SLC44A5: variants seen among roughly 807,000 people sequenced by gnomAD.
SLC44A5 encodes solute carrier family 44 member 5, also known as choline transporter-like protein 5.
A neutral mutation model predicts 101.8 loss-of-function variants in SLC44A5; 57 were observed. The ratio of observed to expected loss-of-function variants is 0.56; its 90% CI spans 0.45 to 0.70. The LOEUF is 0.70. Among genes scored for constraint, SLC44A5 ranks in the 30% least tolerant of loss-of-function variants. The probability of loss-of-function intolerance (pLI) is 0.00; values close to 1 mark genes in which losing one functional copy is unlikely to be tolerated. For synonymous variants in SLC44A5, 281 were observed against 290.9 expected, an observed-to-expected ratio of 0.97 and a Z score of 0.35; for missense variants, 737 against 853.1, an observed-to-expected ratio of 0.86 and a Z score of 1.70.
At chr1:75,205,489 C>G (rs933713493) in intron 23 of SLC44A5, 1 of 152,136 alleles carries the variant, frequency 6.6e-6, no homozygotes, top group Non-Finnish European at 1.5e-5. Flanking sequence ...ATGCTTTGTT[C>G]TGCCATTCAA....
At chr1:75,568,758 C>T (rs1014460594) in intron 1 of SLC44A5, among the ~76,000 whole-genome samples, 116 of 152,156 alleles carry the variant, frequency 7.6e-4, no homozygotes, top group African/African-American at 2.7e-3. Flanking sequence ...TTCTATTCCT[C>T]ACAAGAATAG....
At chr1:75,657,847 ATTATACCACTCTG>A in the SLC44A5 span, among the ~76,000 whole-genome samples, 8 of 152,188 alleles carry the variant, frequency 5.3e-5, no homozygotes, top group South Asian at 2.1e-4. Context: ...CTGTCCCTCT[ATTATACCACTCTG>A]TTATTATCCC....
In SLC44A5 at chr1:75,275,022, T is replaced by G. The variant is rs1651806718; in HGVS notation, c.196A>C (p.Arg66=). ...GLVAWVHGDP[R]RAAYPTDSQG... ...CTGTCTGTAGGATAGGCTGCTCTTC[T>G]GGGGTCCCCATGTACCCAGGCTGCA... The change falls in exon 6 of 24, where the codon AGA becomes CGA. Residue 66 remains arginine, a synonymous_variant. Coordinates refer to ENST00000370859, the MANE Select transcript of SLC44A5 (RefSeq NM_001130058.2). The G allele has an allele frequency of 6.2e-7, 1 of 1,612,728 alleles. No homozygotes were observed. The highest frequency in any genetic ancestry group is 1.1e-5 in the South Asian group (1 of 90,974).
intron 5 of SLC44A5, among the ~76,000 whole-genome samples, chr1:75,300,041 A>G (rs994907260): frequency 2.1e-5 from 3 of 144,508 alleles, no homozygotes; most frequent in African/African-American, 7.6e-5. Flanking sequence ...AAAAAAAAAA[A>G]TTTCAAATAA....
the SLC44A5 span, among the ~76,000 whole-genome samples, chr1:75,714,768 C>G: frequency 2.8e-5 from 4 of 145,230 alleles, no homozygotes; most frequent in Admixed American, 2.8e-4. Flanking sequence ...CCTCCACCTC[C>G]TGGGTTCAAG....
the SLC44A5 span, among the ~76,000 whole-genome samples, chr1:75,645,447 A>G: frequency 2.0e-5 from 3 of 151,924 alleles, no homozygotes; most frequent in Admixed American, 6.6e-5. Context: ...GTCTGTTCAT[A>G]TCCTTCGCCC....
the SLC44A5 span, among the ~76,000 whole-genome samples, chr1:75,690,262 G>A: frequency 6.6e-6 from 1 of 152,038 alleles, no homozygotes; most frequent in South Asian, 2.1e-4. Flanking sequence ...CATGGTGGCA[G>A]GCAAGAGAGA....
the SLC44A5 span, among the ~76,000 whole-genome samples, chr1:75,638,290 C>T: frequency 6.6e-6 from 1 of 151,978 alleles, no homozygotes; most frequent in Admixed American, 6.6e-5. Flanking sequence ...ACAAGTGAAA[C>T]ATAGAAGCAT....
chr1:75,615,521 G>A (rs1675841316), upstream of SLC44A5, among the ~76,000 whole-genome samples: 1 of 150,784 alleles, frequency 6.6e-6, no homozygotes, highest in African/African-American at 2.4e-5. Flanking sequence ...CAAGATGCTA[G>A]GAGCCCAGTC....
At chr1:75,288,166 A>G (rs1653232045) in intron 5 of SLC44A5, among the ~76,000 whole-genome samples, 1 of 152,236 alleles carries the variant, frequency 6.6e-6, no homozygotes, top group South Asian at 2.1e-4. Context: ...CAAATTAAAT[A>G]TTCATAATAA....
chr1:75,512,188 A>C (rs989523903), intron 2 of SLC44A5, among the ~76,000 whole-genome samples: 7 of 152,230 alleles, frequency 4.6e-5, no homozygotes, highest in African/African-American at 1.4e-4. Flanking sequence ...TATAAATGAA[A>C]AATAAAAATT....
At chr1:75,692,287 G>C in the SLC44A5 span, among the ~76,000 whole-genome samples, 1 of 143,370 alleles carries the variant, frequency 7.0e-6, no homozygotes, top group East Asian at 2.0e-4. Flanking sequence ...TCCACCTCCT[G>C]GGCTCAAGTG....
intron 2 of SLC44A5, among the ~76,000 whole-genome samples, chr1:75,400,168 A>C (rs917834503): frequency 1.3e-5 from 2 of 152,204 alleles, no homozygotes; most frequent in African/African-American, 4.8e-5. Flanking sequence ...AACAATAGAC[A>C]TTCATGACTC....
At chr1:75,415,053 T>A (rs1206542910) in intron 2 of SLC44A5, among the ~76,000 whole-genome samples, 2 of 152,204 alleles carry the variant, frequency 1.3e-5, no homozygotes, top group Non-Finnish European at 2.9e-5. Context: ...TGGAACAGTA[T>A]TCTAGGTGAG....
At chr1:75,575,580 A>G in intron 1 of SLC44A5, among the ~76,000 whole-genome samples, 1 of 152,226 alleles carries the variant, frequency 6.6e-6, no homozygotes, top group South Asian at 2.1e-4. Flanking sequence ...ATAATTCTTT[A>G]AAAACTGTGT....
chr1:75,520,683 T>A (rs995071866), intron 2 of SLC44A5, among the ~76,000 whole-genome samples: 1 of 152,148 alleles, frequency 6.6e-6, no homozygotes, highest in Non-Finnish European at 1.5e-5. Context: ...AATTTTGGTC[T>A]GAAAGACTCG....
At chr1:75,408,718 G>A (rs1663073098) in intron 2 of SLC44A5, among the ~76,000 whole-genome samples, 1 of 152,022 alleles carries the variant, frequency 6.6e-6, no homozygotes, top group Non-Finnish European at 1.5e-5. Flanking sequence ...GGGGCTGGGG[G>A]GCTAGGGGAG....
In SLC44A5 at chr1:75,213,990, C is replaced by CT; in HGVS notation, c.1803-2dup. On this transcript the variant is annotated splice_acceptor_variant, in intron 20 of 23. Coordinates refer to ENST00000370859, the MANE Select transcript of SLC44A5 (RefSeq NM_001130058.2). LOFTEE classifies it high-confidence loss of function. ...TGTAACTTCATCTGTAACTGCAACT[C>CT]TGAGTATCAGAAAAAAAGAAAGTAT... 1.3e-6 allele frequency: 2 copies of CT among 1,559,382 alleles called. No homozygotes were observed. The highest frequency in any genetic ancestry group is 2.4e-5 in the South Asian group (2 of 84,076).
At chr1:75,280,494 T>TTA (rs1306496547) in intron 5 of SLC44A5, among the ~76,000 whole-genome samples, 15 of 113,424 alleles carry the variant, frequency 1.3e-4, no homozygotes, top group East Asian at 2.2e-4. Context: ...ATTATATATA[T>TTA]TATATATATA....
Sources: gnomAD v4.1 joint callset for allele counts (sites outside exome capture counted in the v4.1 genomes callset) on GRCh38, gnomAD v4.1.1 for gene constraint, MANE v1.5 for transcripts, NCBI Gene and HGNC (gene_info 2026-07-23, HGNC 2026-07-21) for gene names.